The following DACH1 variants were observed in gnomAD, a reference collection of about 807,000 sequenced individuals.
The protein encoded by DACH1 is dachshund homolog 1.
A neutral mutation model predicts 54.2 loss-of-function variants in DACH1; 12 were observed. The observed-to-expected ratio is 0.22, with a 90% CI of 0.14 to 0.36. DACH1 has a LOEUF of 0.36. Among genes scored for constraint, DACH1 ranks in the 10% least tolerant of loss-of-function variants. DACH1 has a pLI of 1.00. For synonymous variants in DACH1, 386 were observed against 366.2 expected (o/e 1.05, Z -0.62); for missense variants, 805 against 929.8 (o/e 0.87, Z 1.75).
intron 10 of DACH1, among the ~76,000 whole-genome samples, chr13:71,444,854 A>G (rs1408164128): frequency 6.6e-6 from 1 of 152,034 alleles, no homozygotes; most frequent in Non-Finnish European, 1.5e-5. Context: ...TGTCTATTCT[A>G]CAGCACGCCA....
intron 1 of DACH1, among the ~76,000 whole-genome samples, chr13:71,764,564 A>G (rs1647267923): frequency 6.6e-6 from 1 of 152,232 alleles, no homozygotes; most frequent in South Asian, 2.1e-4. Context: ...AATAAGTGGA[A>G]GCAGTGATGA....
chr13:71,762,768 CAAA>C (rs34543654), intron 1 of DACH1, among the ~76,000 whole-genome samples: 1 of 71,176 alleles, frequency 1.4e-5, no homozygotes, highest in African/African-American at 6.2e-5. Flanking sequence ...AACTTTGTCT[CAAA>C]AAAAAAAAAA....
chr13:71,703,711 A>C (rs1408659300), intron 1 of DACH1, among the ~76,000 whole-genome samples: 1 of 152,210 alleles, frequency 6.6e-6, no homozygotes, highest in Non-Finnish European at 1.5e-5. Flanking sequence ...AGGAAACTGC[A>C]TAGGACTAAG....
intron 3 of DACH1, among the ~76,000 whole-genome samples, chr13:71,582,168 C>A (rs1438528694): frequency 2.0e-5 from 3 of 151,998 alleles, no homozygotes; most frequent in Admixed American, 6.6e-5. Context: ...ATGTTTTAAT[C>A]CTGAAGAGCT....
At chr13:71,665,205 CA>C (rs1879750368) in intron 2 of DACH1, among the ~76,000 whole-genome samples, 1 of 151,416 alleles carries the variant, frequency 6.6e-6, no homozygotes, top group Admixed American at 6.6e-5. Flanking sequence ...ATTTAGCAAA[CA>C]AAGTGCAATG....
intron 1 of DACH1, among the ~76,000 whole-genome samples, chr13:71,748,875 TTTCTTTCTTTCTTTC>T (rs1268193131): frequency 9.2e-6 from 1 of 108,232 alleles, no homozygotes; most frequent in Non-Finnish European, 1.7e-5. Context: ...TCTTTCTTTC[TTTCTTTCTTTCTTTC>T]TTTCTTTCTC....
At chr13:71,788,810 T>C (rs1182040978) in intron 1 of DACH1, among the ~76,000 whole-genome samples, 1 of 152,140 alleles carries the variant, frequency 6.6e-6, no homozygotes, top group African/African-American at 2.4e-5. Context: ...TTGTAATAAC[T>C]TAAATAGAAT....
intron 1 of DACH1, among the ~76,000 whole-genome samples, chr13:71,827,468 A>C (rs1417877054): frequency 1.3e-5 from 2 of 152,148 alleles, no homozygotes; most frequent in Non-Finnish European, 2.9e-5. Context: ...TGGGTTGCAC[A>C]GTAAGTTCCA....
At chr13:71,677,568 G>A (rs910614153) in intron 2 of DACH1, among the ~76,000 whole-genome samples, 1 of 152,012 alleles carries the variant, frequency 6.6e-6, no homozygotes, top group Non-Finnish European at 1.5e-5. Flanking sequence ...TATTAAGACT[G>A]GGAAAATACA....
chr13:71,776,750 C>T (rs1336411293), intron 1 of DACH1, among the ~76,000 whole-genome samples: 2 of 152,096 alleles, frequency 1.3e-5, no homozygotes, highest in Non-Finnish European at 1.5e-5. Context: ...TTTACTTACC[C>T]AGATAGAAAA....
chr13:71,565,355 C>T (rs1196868397), intron 4 of DACH1, among the ~76,000 whole-genome samples: 1 of 152,100 alleles, frequency 6.6e-6, no homozygotes, highest in African/African-American at 2.4e-5. Flanking sequence ...ATGTACCAGG[C>T]AGGATCTAGG....
At chr13:71,717,033 A>C (rs944037828) in intron 1 of DACH1, among the ~76,000 whole-genome samples, 1 of 152,118 alleles carries the variant, frequency 6.6e-6, no homozygotes, top group African/African-American at 2.4e-5. Flanking sequence ...TAGCCTTTCC[A>C]AAAAATTTCC....
At chr13:71,829,376 C>T (rs1004374318) in intron 1 of DACH1, among the ~76,000 whole-genome samples, 1 of 151,820 alleles carries the variant, frequency 6.6e-6, no homozygotes, top group African/African-American at 2.4e-5. Flanking sequence ...TTTTCAAACA[C>T]AATTAATTTG....
At chr13:71,680,323 TG>T (rs1274551368) in intron 2 of DACH1, among the ~76,000 whole-genome samples, 1 of 152,154 alleles carries the variant, frequency 6.6e-6, no homozygotes, top group African/African-American at 2.4e-5. Context: ...CTTTGGTGGC[TG>T]GGTATGGTGG....
intron 10 of DACH1, among the ~76,000 whole-genome samples, chr13:71,473,205 CTGAA>C (rs1226867429): frequency 6.6e-6 from 1 of 152,032 alleles, no homozygotes; most frequent in East Asian, 1.9e-4. Context: ...AATGGACAGG[CTGAA>C]TGAATGAATA....
intron 10 of DACH1, among the ~76,000 whole-genome samples, chr13:71,461,372 G>GAACT (rs1483305160): frequency 6.6e-6 from 1 of 151,844 alleles, no homozygotes; most frequent in African/African-American, 2.4e-5. Context: ...ATTTATGACT[G>GAACT]AACTGCTATT....
At chr13:71,735,932 G>A (rs963870702) in intron 1 of DACH1, among the ~76,000 whole-genome samples, 4 of 152,002 alleles carry the variant, frequency 2.6e-5, no homozygotes, top group African/African-American at 9.7e-5. Flanking sequence ...ACCCTGCATG[G>A]CATTTTTGGC....
intron 2 of DACH1, among the ~76,000 whole-genome samples, 187 bp downstream of exon 2, chr13:71,681,608 T>C (rs1880897958): frequency 6.6e-6 from 1 of 152,242 alleles, no homozygotes; most frequent in Admixed American, 6.5e-5. Context: ...GCTTTTATTT[T>C]ATTTTAAATA....
intron 3 of DACH1, among the ~76,000 whole-genome samples, chr13:71,581,635 T>C (rs1197475455): frequency 1.3e-5 from 2 of 152,176 alleles, no homozygotes; most frequent in Middle Eastern, 3.2e-3. Flanking sequence ...ATAAGCTTAA[T>C]GGAACTTAGT....
Sources: gnomAD v4.1 joint callset for allele counts (sites outside exome capture counted in the v4.1 genomes callset) on GRCh38, gnomAD v4.1.1 for gene constraint, MANE v1.5 for transcripts, NCBI Gene and HGNC (gene_info 2026-07-23, HGNC 2026-07-21) for gene names.